The following KCNB2 variants were observed in gnomAD, a reference collection of about 807,000 sequenced individuals.
KCNB2 encodes the protein delayed rectifier potassium channel protein.
Under a neutral mutation model 61.5 loss-of-function variants are expected in KCNB2, and 15 were observed. That is an observed-to-expected ratio of 0.24 (90% CI 0.16 to 0.38). KCNB2 has a LOEUF of 0.38. Ranked by LOEUF, KCNB2 falls within the 10% of genes least tolerant of loss-of-function variation. The pLI, the probability that KCNB2 is intolerant of heterozygous loss-of-function variation, is 1.00. For synonymous variants in KCNB2, 457 were observed against 446.0 expected, an observed-to-expected ratio of 1.02 and a Z score of -0.31; for missense variants, 828 against 1,125.2, an observed-to-expected ratio of 0.74 and a Z score of 3.78.
chr8:72,736,271 A>T (rs1313762929), intron 2 of KCNB2, among the ~76,000 whole-genome samples: 2 of 148,298 alleles, frequency 1.3e-5, no homozygotes, highest in African/African-American at 2.5e-5. Flanking sequence ...TCTATCATTT[A>T]AAAAAAAAAG....
intron 2 of KCNB2, among the ~76,000 whole-genome samples, chr8:72,835,065 A>G (rs1038783949): frequency 2.6e-5 from 4 of 152,178 alleles, no homozygotes; most frequent in African/African-American, 9.7e-5. Flanking sequence ...AACTCAGCTT[A>G]TACATTACTG....
At chr8:72,916,298 C>T (rs558278406) in intron 2 of KCNB2, among the ~76,000 whole-genome samples, 2 of 152,270 alleles carry the variant, frequency 1.3e-5, no homozygotes, top group Non-Finnish European at 2.9e-5. Flanking sequence ...CTGACCCCTT[C>T]GTGGGCAGGA....
intron 2 of KCNB2, among the ~76,000 whole-genome samples, chr8:72,900,500 C>T (rs1020399852): frequency 1.3e-5 from 2 of 152,078 alleles, no homozygotes; most frequent in Non-Finnish European, 2.9e-5. Flanking sequence ...ACATGTGGAA[C>T]TTAATTAAAC....
chr8:72,770,043 C>T (rs1199467924), intron 2 of KCNB2, among the ~76,000 whole-genome samples: 1 of 152,168 alleles, frequency 6.6e-6, no homozygotes, highest in African/African-American at 2.4e-5. Context: ...CCAACCAACT[C>T]TCATCAATTG....
chr8:72,790,683 C>G (rs570709608), intron 2 of KCNB2, among the ~76,000 whole-genome samples: 1 of 152,258 alleles, frequency 6.6e-6, no homozygotes, highest in South Asian at 2.1e-4. Flanking sequence ...TCTTATATTT[C>G]TAACAATATC....
At chr8:72,702,534 C>T (rs973564974) in intron 2 of KCNB2, among the ~76,000 whole-genome samples, 3 of 152,284 alleles carry the variant, frequency 2.0e-5, no homozygotes, top group Middle Eastern at 3.4e-3. Flanking sequence ...AGTGGCCATT[C>T]AGAAAGCTTG....
intron 2 of KCNB2, among the ~76,000 whole-genome samples, chr8:72,606,963 T>C (rs747096382): frequency 3.9e-5 from 6 of 152,104 alleles, no homozygotes; most frequent in Non-Finnish European, 8.8e-5. Flanking sequence ...GGGATCAGTG[T>C]TGAGGACTGA....
chr8:72,705,201 A>G (rs1585841359), intron 2 of KCNB2, among the ~76,000 whole-genome samples: 1 of 152,182 alleles, frequency 6.6e-6, no homozygotes, highest in Non-Finnish European at 1.5e-5. Context: ...ATTTTTGGGG[A>G]CTGAAGCTTG....
chr8:72,867,531 A>G (rs1432776935), intron 2 of KCNB2, among the ~76,000 whole-genome samples: 1 of 152,238 alleles, frequency 6.6e-6, no homozygotes, highest in Non-Finnish European at 1.5e-5. Flanking sequence ...TACCTTGTTG[A>G]TAATAAACAA....
intron 2 of KCNB2, among the ~76,000 whole-genome samples, chr8:72,642,741 A>T (rs1389546799): frequency 1.3e-5 from 2 of 152,144 alleles, no homozygotes; most frequent in East Asian, 3.9e-4. Context: ...AATGAGGGTA[A>T]AACTGCTCGC....
intron 2 of KCNB2, among the ~76,000 whole-genome samples, chr8:72,776,381 C>G (rs182313973): frequency 6.6e-6 from 1 of 152,096 alleles, no homozygotes; most frequent in Admixed American, 6.5e-5. Context: ...GCACATGTAC[C>G]CTAGAACTTA....
chr8:72,549,230 G>A (rs1806307394), intron 1 of KCNB2, among the ~76,000 whole-genome samples: 2 of 152,078 alleles, frequency 1.3e-5, no homozygotes, highest in Admixed American at 6.5e-5. Flanking sequence ...TTCCTTGCTT[G>A]GGGCAATGCC....
At chr8:72,916,164 T>C (rs1022595196) in intron 2 of KCNB2, among the ~76,000 whole-genome samples, 2 of 152,218 alleles carry the variant, frequency 1.3e-5, no homozygotes, top group Admixed American at 6.5e-5. Context: ...CAAAAAATGA[T>C]ATTAATTTGT....
chr8:72,788,554 G>A (rs930756179), intron 2 of KCNB2, among the ~76,000 whole-genome samples: 5 of 151,960 alleles, frequency 3.3e-5, no homozygotes, highest in African/African-American at 1.2e-4. Flanking sequence ...ACTCAAGTTG[G>A]TTCAAACACT....
At chr8:72,798,509 C>A (rs997247744) in intron 2 of KCNB2, among the ~76,000 whole-genome samples, 6 of 152,132 alleles carry the variant, frequency 3.9e-5, no homozygotes, top group African/African-American at 1.4e-4. Context: ...TGCCCTTCGA[C>A]TCCTGGGAAC....
intron 2 of KCNB2, among the ~76,000 whole-genome samples, chr8:72,637,884 A>G (rs530024602): frequency 1.3e-5 from 2 of 152,230 alleles, no homozygotes; most frequent in East Asian, 3.9e-4. Context: ...AGAGGGAGAA[A>G]AATAGAAATG....
intron 2 of KCNB2, among the ~76,000 whole-genome samples, chr8:72,714,404 C>A (rs1403817436): frequency 6.6e-6 from 1 of 152,146 alleles, no homozygotes; most frequent in Non-Finnish European, 1.5e-5. Flanking sequence ...TAAGGGCAGA[C>A]AGAGAGAAAG....
intron 2 of KCNB2, among the ~76,000 whole-genome samples, chr8:72,714,796 A>T (rs1335269402): frequency 1.3e-5 from 2 of 152,210 alleles, no homozygotes; most frequent in African/African-American, 4.8e-5. Flanking sequence ...ACAGGATCAA[A>T]TTCACACATA....
At chr8:72,702,361 AGCACT>A (rs1807146977) in intron 2 of KCNB2, among the ~76,000 whole-genome samples, 1 of 152,152 alleles carries the variant, frequency 6.6e-6, no homozygotes, top group Non-Finnish European at 1.5e-5. Context: ...GAACATGAGC[AGCACT>A]GCTCATCTTA....
Sources: allele counts gnomAD v4.1 joint callset (sites outside exome capture counted in the v4.1 genomes callset), GRCh38; gene constraint gnomAD v4.1.1; transcripts MANE v1.5; gene names NCBI Gene and HGNC (gene_info 2026-07-23, HGNC 2026-07-21).